PTAFR: variants seen among roughly 807,000 people sequenced by gnomAD.
PTAFR encodes the protein platelet-activating factor receptor.
PTAFR carries 8 observed loss-of-function variants against 14.7 expected under a neutral mutation model. The observed-to-expected ratio is 0.54, with a 90% CI of 0.32 to 0.98. The LOEUF (loss-of-function observed/expected upper bound fraction) is 0.98. Among genes scored for constraint, PTAFR ranks in the 50% least tolerant of loss-of-function variants. PTAFR has a pLI of 0.04. For synonymous variants in PTAFR, 156 were observed against 176.5 expected (o/e 0.88, Z 0.92); for missense variants, 337 against 451.2 (o/e 0.75, Z 2.29).
At chr1:28,178,811 A>G (rs1331621755), upstream of PTAFR, among the ~76,000 whole-genome samples, 1 of 151,880 alleles carries the variant, frequency 6.6e-6, no homozygotes, top group Admixed American at 6.6e-5. Context: ...TCCTTCCTCG[A>G]GTTCATGCGT....
chr1:28,162,759 A>T (rs1271062970), intron 1 of PTAFR, among the ~76,000 whole-genome samples: 1 of 148,860 alleles, frequency 6.7e-6, no homozygotes, highest in Non-Finnish European at 1.5e-5. Flanking sequence ...AACCCAGGAG[A>T]CAGAGGTTGC....
intron 1 of PTAFR, among the ~76,000 whole-genome samples, chr1:28,182,904 C>T (rs1646574044): frequency 6.6e-6 from 1 of 152,172 alleles, no homozygotes; most frequent in Admixed American, 6.6e-5. Context: ...TAGTCTCGAA[C>T]TCCTGACCTC....
At chr1:28,189,669 GA>G (rs1557700073) in intron 1 of PTAFR, among the ~76,000 whole-genome samples, 3 of 151,710 alleles carry the variant, frequency 2.0e-5, no homozygotes, top group Admixed American at 2.0e-4. Context: ...GCATGTTGCA[GA>G]GGATAAATTA....
intron 1 of PTAFR, among the ~76,000 whole-genome samples, chr1:28,151,580 G>C (rs1036060011): frequency 2.0e-5 from 3 of 151,988 alleles, no homozygotes; most frequent in Middle Eastern, 3.2e-3. Flanking sequence ...GCTCCGGGTT[G>C]CCCAGGGAGG....
chr1:28,166,371 CAT>C (rs1376840575), intron 1 of PTAFR, among the ~76,000 whole-genome samples: 2 of 152,012 alleles, frequency 1.3e-5, no homozygotes, highest in East Asian at 3.8e-4. Flanking sequence ...TCAAAGAAAA[CAT>C]AGGATAAAAG....
intron 1 of PTAFR, among the ~76,000 whole-genome samples, chr1:28,174,607 A>T (rs1440745893): frequency 1.3e-5 from 2 of 152,224 alleles, no homozygotes; most frequent in Admixed American, 1.3e-4. Context: ...TGTCAGGGGC[A>T]GAGCTGGGAC....
At chr1:28,184,956 C>A (rs567614954) in intron 1 of PTAFR, among the ~76,000 whole-genome samples, 10 of 152,128 alleles carry the variant, frequency 6.6e-5, no homozygotes, top group Non-Finnish European at 1.3e-4. Flanking sequence ...CACCCTTTTG[C>A]ACCTGTTGTT....
At chr1:28,177,011 AG>A (rs1217784193), upstream of PTAFR, 1 of 152,638 alleles carries the variant, frequency 6.6e-6, no homozygotes, top group Non-Finnish European at 1.5e-5. Context: ...AGGAGGCAGG[AG>A]GGAGTCGGGA....
At chr1:28,177,562 G>GT (rs761475114), upstream of PTAFR, among the ~76,000 whole-genome samples, 28 of 152,118 alleles carry the variant, frequency 1.8e-4, no homozygotes, top group Non-Finnish European at 3.8e-4. Context: ...CCCTGTGTTT[G>GT]TTTTTTTGTT....
chr1:28,163,658 G>A (rs957345449), intron 1 of PTAFR, among the ~76,000 whole-genome samples: 20 of 152,186 alleles, frequency 1.3e-4, no homozygotes, highest in African/African-American at 4.3e-4. Flanking sequence ...TCAAAGATAA[G>A]TATGCAAAGT....
At chr1:28,169,795 T>C (rs1646432032) in intron 1 of PTAFR, among the ~76,000 whole-genome samples, 1 of 151,790 alleles carries the variant, frequency 6.6e-6, no homozygotes, top group South Asian at 2.1e-4. Flanking sequence ...AGGTAAGGAG[T>C]TCGAGACCAG....
chr1:28,188,333 C>T (rs1027386344), intron 1 of PTAFR, among the ~76,000 whole-genome samples: 3 of 152,164 alleles, frequency 2.0e-5, no homozygotes, highest in Non-Finnish European at 4.4e-5. Context: ...GTAATCCCAG[C>T]TACTTAGGAG....
upstream of PTAFR, among the ~76,000 whole-genome samples, chr1:28,177,818 C>T (rs1646530447): frequency 6.6e-6 from 1 of 151,614 alleles, no homozygotes; most frequent in Admixed American, 6.6e-5. Context: ...GGTGGACAAT[C>T]GATGGTGAAT....
In PTAFR at chr1:28,150,554, G is replaced by C. The variant is rs762848436; in HGVS notation, c.468C>G (p.Asp156Glu). Residue 156 changes from aspartate to glutamate, a missense_variant, in exon 2 of 2, where the codon GAC becomes GAG. Coordinates refer to ENST00000373857, the MANE Select transcript of PTAFR (RefSeq NM_000952.5). The surrounding 1 kb of genome is among the most constrained non-coding windows in gnomAD (Gnocchi z 6.3). ...CACTGTCGGGCACTGTGTTGGTGGA[G>C]TCCAGGATGAGGAAGTAGGATGCAG... The part of the protein sequence containing the change: ...VGAASYFLIL[D>E]STNTVPDSAG... The C allele has an allele frequency of 6.2e-7, 1 of 1,614,218 alleles. No homozygotes were observed. Among genetic ancestry groups the C allele is most frequent in the African/African-American group, 1.3e-5 (1 of 75,060 alleles).
At chr1:28,178,838 T>C (rs1444255174), upstream of PTAFR, among the ~76,000 whole-genome samples, 3 of 151,774 alleles carry the variant, frequency 2.0e-5, no homozygotes, top group Non-Finnish European at 4.4e-5. Context: ...TGCTCCACAC[T>C]CACGCACCGC....
At chr1:28,156,413 A>G (rs146413905) in intron 1 of PTAFR, among the ~76,000 whole-genome samples, 5 of 152,304 alleles carry the variant, frequency 3.3e-5, no homozygotes, top group South Asian at 2.1e-4. Context: ...TGAGAATCCA[A>G]CTGTCTTCTA....
chr1:28,175,266 G>A (rs868053328), intron 1 of PTAFR, among the ~76,000 whole-genome samples: 23 of 152,170 alleles, frequency 1.5e-4, no homozygotes, highest in Middle Eastern at 3.4e-3. Flanking sequence ...TGGAACTTCC[G>A]AACAACTCAA....
At chr1:28,182,133 C>T (rs1009637740) in intron 1 of PTAFR, among the ~76,000 whole-genome samples, 6 of 150,314 alleles carry the variant, frequency 4.0e-5, no homozygotes, top group South Asian at 4.3e-4. Flanking sequence ...GTCAGGAGTT[C>T]GAGACCAGCC....
chr1:28,150,721 T>G lies in PTAFR; in HGVS notation c.301A>C (p.Thr101Pro), dbSNP rs2148992120. The change falls in exon 2 of 2, where the codon ACC becomes CCC. Residue 101 changes from threonine (T) to proline (P), a missense_variant. Physicochemically the swap from Thr to Pro is conservative, Grantham distance 38. Coordinates refer to ENST00000373857, the MANE Select transcript of PTAFR (RefSeq NM_000952.5). The surrounding 1 kb of genome is among the most constrained non-coding windows in gnomAD (Gnocchi z 6.3). ...NVAGCLFFIN[T>P]YCSVAFLGVI... ...CCCAGGAAGGCCACAGAGCAGTAGGTGTTGATGAAGAAAAGGCAGCCAGCC... is the reference window on the plus strand; with the variant it reads ...CCCAGGAAGGCCACAGAGCAGTAGGGGTTGATGAAGAAAAGGCAGCCAGCC... 1 of 1,613,774 alleles carries G rather than the reference T, an allele frequency of 6.2e-7. No individual in the cohort carries two copies. The highest frequency in any genetic ancestry group is 8.5e-7 in the Non-Finnish European group (1 of 1,179,942).
Sources: allele counts gnomAD v4.1 joint callset (sites outside exome capture counted in the v4.1 genomes callset), GRCh38; gene constraint gnomAD v4.1.1; non-coding constraint Gnocchi (gnomAD v3.1); transcripts MANE v1.5; gene names NCBI Gene and HGNC (gene_info 2026-07-23, HGNC 2026-07-21).